Variants in MMP15 observed in about 807,000 individuals in gnomAD.
MMP15 encodes matrix metalloproteinase-15.
In MMP15, 36 loss-of-function variants were observed where a neutral mutation model predicts 65.0. The ratio of observed to expected loss-of-function variants is 0.55; its 90% CI spans 0.42 to 0.73. The LOEUF (loss-of-function observed/expected upper bound fraction) is 0.73. Ranked by LOEUF, MMP15 falls within the 30% of genes least tolerant of loss-of-function variation. The probability of loss-of-function intolerance (pLI) is 0.00; values close to 1 mark genes in which losing one functional copy is unlikely to be tolerated. For missense variants in MMP15, 870 were observed against 987.8 expected (o/e 0.88, Z 1.60); for synonymous variants, 428 against 410.2 (o/e 1.04, Z -0.52).
At chr16:58,031,901 CTTG>C (rs1164192223) in intron 1 of MMP15, among the ~76,000 whole-genome samples, 1 of 107,870 alleles carries the variant, frequency 9.3e-6, no homozygotes, top group East Asian at 3.2e-4. Flanking sequence ...GAGTCTCGCT[CTTG>C]TGGCCCAGGC....
chr16:58,028,211 C>T (rs1963851391), intron 1 of MMP15, among the ~76,000 whole-genome samples: 1 of 152,200 alleles, frequency 6.6e-6, no homozygotes, highest in Admixed American at 6.5e-5. Flanking sequence ...CCCCAACTCC[C>T]CAGCTCAGGG....
chr16:58,045,725 G>A lies in MMP15; in HGVS notation c.*279G>A. 1 of 443,904 alleles carries A rather than the reference G, an allele frequency of 2.3e-6. No homozygotes were observed. The highest frequency in any genetic ancestry group is 4.0e-6 in the Non-Finnish European group (1 of 251,242). 27.5% of individuals were successfully genotyped at this position (443,904 alleles called of 1,614,324 possible). On this transcript the variant is annotated 3_prime_UTR_variant, in exon 10 of 10. Coordinates refer to ENST00000219271, the MANE Select transcript of MMP15 (RefSeq NM_002428.4). The stretch of plus-strand genomic sequence containing the variant: ...TAGGCCCCCATCATCCTCTGGCTTG[G>A]CCACAGCCAGGGGAGCAGAGGGGCA...
chr16:58,044,712 C>T (rs1313882031), intron 9 of MMP15, among the ~76,000 whole-genome samples: 2 of 152,176 alleles, frequency 1.3e-5, no homozygotes, highest in Non-Finnish European at 2.9e-5. Flanking sequence ...TGGGAAGGGG[C>T]AGCAGGATCC....
chr16:58,039,076 T>C (rs1427072003), intron 3 of MMP15, among the ~76,000 whole-genome samples: 2 of 152,238 alleles, frequency 1.3e-5, no homozygotes, highest in African/African-American at 4.8e-5. Context: ...TTACTTCCTC[T>C]AATCCTCACT....
Position 58,026,524 on chromosome 16 carries a change from G to T in MMP15, c.162+12G>T, listed in dbSNP as rs747103885. 9.1e-6 allele frequency: 12 copies of T among 1,319,568 alleles called. No homozygotes were observed. In the South Asian group the frequency reaches 2.2e-4, roughly 24 times the overall value. The allele number at this position is 1,319,568 out of a possible 1,614,324, so 81.7% of individuals were successfully genotyped here. ...AGGTCCATGCCGAGGTAAGACCCCC[G>T]CCCTGCCCTTTGGCTGCGGGCTGGG... On this transcript the variant is annotated intron_variant, in intron 1 of 9. Transcript: ENST00000219271.
intron 1 of MMP15, among the ~76,000 whole-genome samples, chr16:58,035,918 C>T (rs41493346): frequency 0.014 from 2,112 of 152,310 alleles, 24 homozygotes; most frequent in Non-Finnish European, 0.021. Flanking sequence ...GGGACCTGGC[C>T]GGGTGCCAGG....
chr16:58,028,028 G>C (rs763620868), intron 1 of MMP15, among the ~76,000 whole-genome samples: 3 of 152,218 alleles, frequency 2.0e-5, no homozygotes, highest in Non-Finnish European at 2.9e-5. Flanking sequence ...CCACCATTGA[G>C]TTTCTAATCT....
Position 58,044,656 on chromosome 16 carries a change from C to T in MMP15, c.1571-351C>T, listed in dbSNP as rs41481646. Among the ~76,000 whole-genome samples the T allele has an allele frequency of 1.4e-3, 218 of 152,324 alleles. 2 individuals carry two copies. Among genetic ancestry groups the T allele is most frequent in the South Asian group, 2.9e-3 (14 of 4,828 alleles). ...GAACAACTGCGGGGTGCTGTGTGGC[C>T]TTGAGCAAGACCCCAAACCTCTGTG... On this transcript the variant is annotated intron_variant, in intron 9 of 9. Transcript: ENST00000219271.
At chr16:58,026,991 G>C (rs1963829180) in intron 1 of MMP15, among the ~76,000 whole-genome samples, 1 of 152,238 alleles carries the variant, frequency 6.6e-6, no homozygotes, top group Non-Finnish European at 1.5e-5. Flanking sequence ...TGCCCAGGTG[G>C]CCTCCCGTCT....
In MMP15 at chr16:58,045,644, G is replaced by A. The variant is rs865870145; in HGVS notation, c.*198G>A. 1.6e-5 allele frequency: 9 copies of A among 573,842 alleles called. No individual in the cohort carries two copies. Among genetic ancestry groups the A allele is most frequent in the African/African-American group, 3.8e-5 (2 of 52,140 alleles). The allele number at this position is 573,842 out of a possible 1,614,324, so 35.5% of individuals were successfully genotyped here. A position where few individuals can be genotyped will look rare whatever the true frequency, so the allele number is the denominator to read the frequency against. Reference sequence around the variant, plus strand: ...CTTGACCATTTGTTTCTGTTTCCCCGACTGGGGCAGGGTGTTTAGAATTTT... The same window carrying A: ...CTTGACCATTTGTTTCTGTTTCCCCAACTGGGGCAGGGTGTTTAGAATTTT... On this transcript the variant is annotated 3_prime_UTR_variant, in exon 10 of 10. Transcript: ENST00000219271.
At chr16:58,035,648 G>A (rs1229862198) in intron 1 of MMP15, among the ~76,000 whole-genome samples, 2 of 152,228 alleles carry the variant, frequency 1.3e-5, no homozygotes, top group Non-Finnish European at 2.9e-5. Context: ...AGATAAGGAG[G>A]TGGAGTGACA....
At position 58,026,537 on chromosome 16, in the gene MMP15, G is replaced by A. The variant is rs934602281; in HGVS notation, c.162+25G>A. Reference sequence around the variant, plus strand: ...GGTAAGACCCCCGCCCTGCCCTTTGGCTGCGGGCTGGGGGCTTGGAGGGAG... The same window carrying A: ...GGTAAGACCCCCGCCCTGCCCTTTGACTGCGGGCTGGGGGCTTGGAGGGAG... On this transcript the variant is annotated intron_variant, in intron 1 of 9. Coordinates refer to ENST00000219271, the MANE Select transcript of MMP15 (RefSeq NM_002428.4). 9.2e-6 allele frequency: 12 copies of A among 1,306,010 alleles called. No homozygotes were observed. In the African/African-American group the frequency reaches 1.9e-4, roughly 20 times the overall value. The allele number at this position is 1,306,010 out of a possible 1,614,324, so 80.9% of individuals were successfully genotyped here. A position where few individuals can be genotyped will look rare whatever the true frequency, so the allele number is the denominator to read the frequency against.
In MMP15 at chr16:58,040,550, C is replaced by T. The variant is rs145844995; in HGVS notation, c.762C>T (p.Phe254=). ...TCTCCCCAAAAGGAAACAACCTCTT[C>T]CTGGTGGCAGTGCATGAGCTGGGCC... ...SSTDLHGNNL[F]LVAVHELGHA... is the part of the protein sequence containing the mutation. Residue 254 remains phenylalanine, a synonymous_variant, in exon 5 of 10, where the codon TTC becomes TTT. Transcript: ENST00000219271. The T allele has an allele frequency of 8.6e-5, 138 of 1,613,344 alleles. No homozygotes were observed. Among genetic ancestry groups the T allele is most frequent in the Non-Finnish European group, 1.0e-4 (120 of 1,180,028 alleles).
intron 1 of MMP15, among the ~76,000 whole-genome samples, chr16:58,030,624 G>GGGCACT (rs1315935292): frequency 6.6e-6 from 1 of 152,130 alleles, no homozygotes; most frequent in Non-Finnish European, 1.5e-5. Flanking sequence ...CACCTCTCCA[G>GGGCACT]GGCACTGGCA....
chr16:58,045,164 C>G lies in MMP15; in HGVS notation c.1728C>G (p.Pro576=). 1 of 1,595,336 alleles carries G rather than the reference C, an allele frequency of 6.3e-7. No individual in the cohort carries two copies. The highest frequency in any genetic ancestry group is 8.5e-7 in the Non-Finnish European group (1 of 1,171,466). The stretch of plus-strand genomic sequence containing the variant: ...GATGGCCCGACGTGGCCCGGCCGCC[C>G]TTCAACCCCCACGGGGGTGCAGAGC... ...GPRWPDVARP[P]FNPHGGAEPG... Residue 576 remains proline (P), a synonymous_variant, in exon 10 of 10, where the codon CCC becomes CCG. Transcript: ENST00000219271.
At chr16:58,037,329 T>C (rs936052857) in intron 1 of MMP15, 143 bp from the exon 2 acceptor site, 36 of 1,049,820 alleles carry the variant, frequency 3.4e-5, no homozygotes, top group Admixed American at 1.8e-4. Context: ...GTGCTGAGGC[T>C]CACACGGTCA....
rs1959410149 is a variant in MMP15, at chr16:58,039,816, G to T, written c.441-59G>T. ...TGCGTGCACTCTTGGGAACATGCCA[G>T]CAGAGGATAGTAGGCCCTTGGCCCT... is the stretch of plus-strand genomic sequence containing the variant. On this transcript the variant is annotated intron_variant, in intron 3 of 9. Transcript: ENST00000219271. 9.3e-5 allele frequency: 142 copies of T among 1,520,864 alleles called. No homozygotes were observed. In the South Asian group the frequency reaches 1.8e-3, roughly 19 times the overall value. The allele number at this position is 1,520,864 out of a possible 1,614,324, so 94.2% of individuals were successfully genotyped here.
In MMP15 at chr16:58,045,110, C is replaced by T. The variant is rs1959529651; in HGVS notation, c.1674C>T (p.Gly558=). Reference sequence around the variant, plus strand: ...AGTCCATCCTGCGGGACTTCATGGGCTGCCAGGAGCACGTGGAGCCAGGCC... The same window carrying T: ...AGTCCATCCTGCGGGACTTCATGGGTTGCCAGGAGCACGTGGAGCCAGGCC... ...YPKSILRDFM[G]CQEHVEPGPR... The change falls in exon 10 of 10, where the codon GGC becomes GGT. Residue 558 remains glycine (G), a synonymous_variant. Transcript: ENST00000219271. 1 of 1,609,546 alleles carries T rather than the reference C, an allele frequency of 6.2e-7. No individual in the cohort carries two copies. Among genetic ancestry groups the T allele is most frequent in the Admixed American group, 1.7e-5 (1 of 59,402 alleles).
chr16:58,037,334 C>G (rs1406130039), intron 1 of MMP15, 138 bp from the exon 2 acceptor site: 4 of 1,101,416 alleles, frequency 3.6e-6, no homozygotes, highest in Non-Finnish European at 5.3e-6. Context: ...GAGGCTCACA[C>G]GGTCACCTGG....
Sources: gnomAD v4.1 joint callset for allele counts (sites outside exome capture counted in the v4.1 genomes callset) on GRCh38, gnomAD v4.1.1 for gene constraint, MANE v1.5 for transcripts, NCBI Gene and HGNC (gene_info 2026-07-23, HGNC 2026-07-21) for gene names.